The following PLAGL1 variants were observed in gnomAD, a reference collection of about 807,000 sequenced individuals.
PLAGL1 encodes the protein PLAG1 like zinc finger 1.
Under a neutral mutation model 4.6 loss-of-function variants are expected in PLAGL1, and 1 was observed. The observed-to-expected ratio is 0.22, with a 90% CI of 0.08 to 1.03. The LOEUF (loss-of-function observed/expected upper bound fraction) is 1.03. Among genes scored for constraint, PLAGL1 ranks in the 50% least tolerant of loss-of-function variants. PLAGL1 has a pLI of 0.58. For missense variants in PLAGL1, 464 were observed against 570.4 expected (o/e 0.81, Z 1.90); for synonymous variants, 240 against 237.8 (o/e 1.01, Z -0.08).
At position 143,941,875 on chromosome 6, in the gene PLAGL1, G is replaced by T. The variant is rs770249452; in HGVS notation, c.941C>A (p.Ala314Glu). The T allele has an allele frequency of 6.2e-7, 1 of 1,614,122 alleles. No homozygotes were observed. Among genetic ancestry groups the T allele is most frequent in the East Asian group, 2.2e-5 (1 of 44,886 alleles). ...NTTSTSYSPL[A>E]SLPLKADTKG... ...AGTATCTGCTTTGAGGGGCAGGCTT[G>T]CAAGTGGGGAGTATGAGGTAGAAGT... is the stretch of plus-strand genomic sequence containing the variant. The change falls in exon 8 of 8, where the codon GCA becomes GAA. Residue 314 changes from alanine to glutamate, a missense_variant. By Grantham distance (107) the Ala-to-Glu change is moderately radical (BLOSUM62 -1). This residue lies in a region of PLAGL1 where 248 missense variants were observed against 250.1 expected (regional missense o/e 0.99). Coordinates refer to ENST00000674357, the MANE Select transcript of PLAGL1 (RefSeq NM_001317162.2). This position sits in a 1 kb window ranked among gnomAD's most constrained non-coding sequence, Gnocchi z 6.0.
chr6:143,995,385 G>T lies in PLAGL1; in HGVS notation c.-583-10211C>A, dbSNP rs1395951292. Among the ~76,000 whole-genome samples the T allele has an allele frequency of 6.6e-6, 1 of 151,924 alleles. No individual in the cohort carries two copies. Among genetic ancestry groups the T allele is most frequent in the Non-Finnish European group, 1.5e-5 (1 of 67,986 alleles). On this transcript the variant is annotated intron_variant, in intron 1 of 7. Coordinates refer to ENST00000674357, the MANE Select transcript of PLAGL1 (RefSeq NM_001317162.2). The surrounding 1 kb of genome is among the most constrained non-coding windows in gnomAD (Gnocchi z 4.4). ...TGTTTTGTTGTTATGGTTTTTTGGG[G>T]GTTTTTTTGCTTTGCTTTGGAAAGG... is the stretch of plus-strand genomic sequence containing the variant.
In PLAGL1 at chr6:143,945,603, G is replaced by A; in HGVS notation, c.152+2382C>T. Among the ~76,000 whole-genome samples, 1 of 152,152 alleles carries A rather than the reference G, an allele frequency of 6.6e-6. No homozygotes were observed. The highest frequency in any genetic ancestry group is 1.5e-5 in the Non-Finnish European group (1 of 68,028). ...TGATCCTCCTACCTCAGCCTCCCGA[G>A]TAGCTGGGATTACAGGCGTGTACCA... On this transcript the variant is annotated intron_variant, in intron 7 of 7. Transcript: ENST00000674357. This position sits in a 1 kb window ranked among gnomAD's most constrained non-coding sequence, Gnocchi z 4.2.
chr6:144,018,945 G>C (rs1285942203), intron 1 of PLAGL1, among the ~76,000 whole-genome samples: 2 of 151,714 alleles, frequency 1.3e-5, no homozygotes, highest in African/African-American at 4.8e-5. Flanking sequence ...AAGGTGGGAG[G>C]ATCACTTGAG....
At chr6:144,057,700 C>G (rs938136112) in intron 1 of PLAGL1, among the ~76,000 whole-genome samples, 5 of 152,160 alleles carry the variant, frequency 3.3e-5, no homozygotes, top group Non-Finnish European at 7.4e-5. Context: ...GTCTAAGTAG[C>G]TGTGCCCGAA....
rs1783405135 is a variant in PLAGL1 at position 143,961,668 on chromosome 6, T to C, written c.-398-1126A>G. ...ACAAATCATCTTTATGGTCCATCTCTTTCCTCAAAATGCTCAACATTTATT... is the reference window on the plus strand; with the variant it reads ...ACAAATCATCTTTATGGTCCATCTCCTTCCTCAAAATGCTCAACATTTATT... On this transcript the variant is annotated intron_variant, in intron 5 of 7. Transcript: ENST00000674357. The surrounding 1 kb of genome is among the most constrained non-coding windows in gnomAD (Gnocchi z 6.5). Among the ~76,000 whole-genome samples the C allele has an allele frequency of 6.6e-6, 1 of 152,254 alleles. No individual in the cohort carries two copies. The highest frequency in any genetic ancestry group is 2.4e-5 in the African/African-American group (1 of 41,464).
At chr6:143,969,743 G>A (rs1237310594) in intron 2 of PLAGL1, among the ~76,000 whole-genome samples, 2 of 151,820 alleles carry the variant, frequency 1.3e-5, no homozygotes, top group Non-Finnish European at 2.9e-5. Flanking sequence ...AAGAGGGGGA[G>A]GGAAGAAAAA....
chr6:144,042,857 T>C (rs554154298), intron 1 of PLAGL1, among the ~76,000 whole-genome samples: 15 of 152,180 alleles, frequency 9.9e-5, no homozygotes, highest in Non-Finnish European at 1.9e-4. Context: ...TGTTGAGCAG[T>C]GGTTTATAGT....
rs1316986236 is a variant in PLAGL1 at position 143,961,770 on chromosome 6, A to G, written c.-398-1228T>C. Reference sequence around the variant, plus strand: ...AAGAGCTTTAAAAAGACATTAAAGCAAAAGAGTAAAATTCTTCCGGATGAT... The same window carrying G: ...AAGAGCTTTAAAAAGACATTAAAGCGAAAGAGTAAAATTCTTCCGGATGAT... On this transcript the variant is annotated intron_variant, in intron 5 of 7. Coordinates refer to ENST00000674357, the MANE Select transcript of PLAGL1 (RefSeq NM_001317162.2). This position sits in a 1 kb window ranked among gnomAD's most constrained non-coding sequence, Gnocchi z 6.5. Among the ~76,000 whole-genome samples the G allele has an allele frequency of 6.6e-6, 1 of 152,204 alleles. No homozygotes were observed. The highest frequency in any genetic ancestry group is 1.5e-5 in the Non-Finnish European group (1 of 68,032).
intron 7 of PLAGL1, among the ~76,000 whole-genome samples, chr6:143,944,263 A>G (rs1779273077): frequency 6.6e-6 from 1 of 152,148 alleles, no homozygotes; most frequent in Non-Finnish European, 1.5e-5. Context: ...CATCTGCCCT[A>G]TACTGTTTAT....
At chr6:143,951,491 T>G (rs543874995) in intron 6 of PLAGL1, among the ~76,000 whole-genome samples, 1 of 152,368 alleles carries the variant, frequency 6.6e-6, no homozygotes, top group South Asian at 2.1e-4. Context: ...CCTTGACTCA[T>G]TGCTTACCAA....
chr6:143,948,186 TGCCATTTAA>T lies in PLAGL1; in HGVS notation c.-59_-51del. 1 of 1,571,080 alleles carries T rather than the reference TGCCATTTAA, an allele frequency of 6.4e-7. No individual in the cohort carries two copies. Among genetic ancestry groups the T allele is most frequent in the East Asian group, 2.2e-5 (1 of 44,450 alleles). ...TTTCAGATGTGCTGACCAAATGCTG[TGCCATTTAA>T]GCACAAACAGAACGATGGTGCTGGG... On this transcript the variant is annotated 5_prime_UTR_variant, in exon 7 of 8. The change abolishes an upstream ATG in the 5' untranslated region. Coordinates refer to ENST00000674357, the MANE Select transcript of PLAGL1 (RefSeq NM_001317162.2). This position sits in a 1 kb window ranked among gnomAD's most constrained non-coding sequence, Gnocchi z 6.0.
chr6:143,952,568 GGAA>G lies in PLAGL1; in HGVS notation c.-324-4111_-324-4109del, dbSNP rs561491977. ...TTTGGGGATGAGAGAGGATCAGACGGGAAGAAGAACATATATATATGGTAACAG... is the reference window on the plus strand; with the variant it reads ...TTTGGGGATGAGAGAGGATCAGACGGGAAGAACATATATATATGGTAACAG... On this transcript the variant is annotated intron_variant, in intron 6 of 7. Coordinates refer to ENST00000674357, the MANE Select transcript of PLAGL1 (RefSeq NM_001317162.2). The surrounding 1 kb of genome is among the most constrained non-coding windows in gnomAD (Gnocchi z 6.1). Among the ~76,000 whole-genome samples the G allele has an allele frequency of 6.6e-6, 1 of 152,246 alleles. No homozygotes were observed. Among genetic ancestry groups the G allele is most frequent in the African/African-American group, 2.4e-5 (1 of 41,554 alleles).
intron 1 of PLAGL1, among the ~76,000 whole-genome samples, chr6:144,031,453 T>C (rs1417708652): frequency 6.6e-6 from 1 of 152,208 alleles, no homozygotes; most frequent in African/African-American, 2.4e-5. Flanking sequence ...ATTTTTCTGA[T>C]GTTATCTTCT....
intron 1 of PLAGL1, among the ~76,000 whole-genome samples, chr6:144,054,743 C>A (rs541363534): frequency 7.0e-6 from 1 of 141,930 alleles, no homozygotes; most frequent in Non-Finnish European, 1.5e-5. Flanking sequence ...CCATGTATCC[C>A]GGAGCATAAA....
chr6:143,949,656 A>G lies in PLAGL1; in HGVS notation c.-324-1196T>C, dbSNP rs1443858139. Reference sequence around the variant, plus strand: ...CCTTTCAAGTGCCAATACTTAAAAAAATTAAGAGTACTGTATGCTTAGGTG... The same window carrying G: ...CCTTTCAAGTGCCAATACTTAAAAAGATTAAGAGTACTGTATGCTTAGGTG... On this transcript the variant is annotated intron_variant, in intron 6 of 7. Coordinates refer to ENST00000674357, the MANE Select transcript of PLAGL1 (RefSeq NM_001317162.2). This position sits in a 1 kb window ranked among gnomAD's most constrained non-coding sequence, Gnocchi z 5.3. 6.6e-6 allele frequency among the ~76,000 whole-genome samples: 1 copy of G among 152,198 alleles called. No individual in the cohort carries two copies. Among genetic ancestry groups the G allele is most frequent in the Non-Finnish European group, 1.5e-5 (1 of 68,040 alleles).
chr6:143,998,182 T>C (rs1407865285), intron 1 of PLAGL1, among the ~76,000 whole-genome samples: 1 of 152,078 alleles, frequency 6.6e-6, no homozygotes, highest in Non-Finnish European at 1.5e-5. Context: ...CCAAAGAAAA[T>C]AGGAGTACAC....
At chr6:143,998,192 C>T (rs1187510405) in intron 1 of PLAGL1, among the ~76,000 whole-genome samples, 1 of 152,122 alleles carries the variant, frequency 6.6e-6, no homozygotes, top group African/African-American at 2.4e-5. Context: ...TAGGAGTACA[C>T]CAGTTAATCC....
rs890538665 is a variant in PLAGL1 at position 144,004,649 on chromosome 6, G to A, written c.-584+3441C>T. Among the ~76,000 whole-genome samples the A allele has an allele frequency of 3.3e-5, 5 of 152,136 alleles. No individual in the cohort carries two copies. The highest frequency in any genetic ancestry group is 6.5e-5 in the Admixed American group (1 of 15,282). On this transcript the variant is annotated intron_variant, in intron 1 of 7. Transcript: ENST00000674357. This position sits in a 1 kb window ranked among gnomAD's most constrained non-coding sequence, Gnocchi z 4.2. Reference sequence around the variant, plus strand: ...AATGTTTTATATGTTTATCTGGGTAGTAATCACAAAGGTATACACATATGT... The same window carrying A: ...AATGTTTTATATGTTTATCTGGGTAATAATCACAAAGGTATACACATATGT...
Position 144,004,180 on chromosome 6 carries a change from A to G in PLAGL1, c.-584+3910T>C, listed in dbSNP as rs930333588. Among the ~76,000 whole-genome samples, 1 of 88,414 alleles carries G rather than the reference A, an allele frequency of 1.1e-5. No individual in the cohort carries two copies. The highest frequency in any genetic ancestry group is 2.4e-5 in the Non-Finnish European group (1 of 41,746). The allele number at this position is 88,414 out of a possible 152,430, so 58.0% of individuals were successfully genotyped here. A position where few individuals can be genotyped will look rare whatever the true frequency, so the allele number is the denominator to read the frequency against. On this transcript the variant is annotated intron_variant, in intron 1 of 7. Transcript: ENST00000674357. The surrounding 1 kb of genome is among the most constrained non-coding windows in gnomAD (Gnocchi z 4.2). ...TGCCAAATGGGGATAACTATGTTCCAGTAATTTTTTTTTTTTTTAAGATGG... is the reference window on the plus strand; with the variant it reads ...TGCCAAATGGGGATAACTATGTTCCGGTAATTTTTTTTTTTTTTAAGATGG...
Sources: allele counts gnomAD v4.1 joint callset (sites outside exome capture counted in the v4.1 genomes callset), GRCh38; gene constraint gnomAD v4.1.1; regional missense constraint gnomAD v4.1.1; non-coding constraint Gnocchi (gnomAD v3.1); transcripts MANE v1.5; gene names NCBI Gene and HGNC (gene_info 2026-07-23, HGNC 2026-07-21).